The following DENND5A variants were observed in gnomAD, a reference collection of about 807,000 sequenced individuals.
DENND5A encodes the protein DENN domain-containing protein 5A.
A neutral mutation model predicts 140.3 loss-of-function variants in DENND5A; 64 were observed. That is an observed-to-expected ratio of 0.46 (90% CI 0.37 to 0.56). The LOEUF (loss-of-function observed/expected upper bound fraction) is 0.56. DENND5A is among the 20% of genes least tolerant of loss of function. DENND5A has a pLI of 0.00. For missense variants in DENND5A, 1,292 were observed against 1,593.8 expected, an observed-to-expected ratio of 0.81 and a Z score of 3.22; for synonymous variants, 605 against 607.7, an observed-to-expected ratio of 1.00 and a Z score of 0.07.
intron 3 of DENND5A, among the ~76,000 whole-genome samples, chr11:9,205,217 C>A (rs1160959845): frequency 3.9e-5 from 6 of 152,064 alleles, no homozygotes; most frequent in African/African-American, 1.4e-4. Context: ...TAAAGATGTA[C>A]TGTTTTCACT....
chr11:9,171,019 G>A, intron 8 of DENND5A: 1 of 586,512 alleles, frequency 1.7e-6, no homozygotes, highest in South Asian at 2.2e-5. Context: ...GGTAACAAAT[G>A]AGGTAACCCC....
rs575593599 is a variant in DENND5A, at chr11:9,160,695, A to C, written c.2436+18T>G. 3.2e-5 allele frequency: 51 copies of C among 1,597,566 alleles called. No individual in the cohort carries two copies. In the South Asian group the frequency reaches 5.4e-4, roughly 17 times the overall value. ...GGAAGACAATTTGCTCAGCAATGAG[A>C]GGCAAGACATACATTACCTGTTTCA... On this transcript the variant is annotated intron_variant, in intron 12 of 22. Coordinates refer to ENST00000328194, the MANE Select transcript of DENND5A (RefSeq NM_015213.4).
chr11:9,256,928 A>G (rs1317732004), intron 1 of DENND5A, among the ~76,000 whole-genome samples: 1 of 152,248 alleles, frequency 6.6e-6, no homozygotes, highest in Non-Finnish European at 1.5e-5. Flanking sequence ...ATGGACACAC[A>G]CATAAATGAT....
intron 5 of DENND5A, among the ~76,000 whole-genome samples, chr11:9,186,646 T>C (rs1590248089): frequency 6.6e-6 from 1 of 152,184 alleles, no homozygotes; most frequent in East Asian, 1.9e-4. Context: ...GTAGAAACCT[T>C]TGGTCAGAGG....
At chr11:9,226,242 T>TG (rs1850524336) in intron 1 of DENND5A, among the ~76,000 whole-genome samples, 1 of 152,262 alleles carries the variant, frequency 6.6e-6, no homozygotes, top group Non-Finnish European at 1.5e-5. Context: ...TGTCTTCTTG[T>TG]GGTAATTCTA....
intron 4 of DENND5A, among the ~76,000 whole-genome samples, chr11:9,196,685 A>G (rs1205221739): frequency 2.0e-5 from 3 of 151,974 alleles, no homozygotes; most frequent in Admixed American, 6.6e-5. Context: ...ATCTCTGCTC[A>G]CTGCAACCTC....
chr11:9,233,951 G>A (rs1564930707), intron 1 of DENND5A, among the ~76,000 whole-genome samples: 1 of 152,246 alleles, frequency 6.6e-6, no homozygotes, highest in South Asian at 2.1e-4. Context: ...GCCGAGGTGG[G>A]TGGATCACTT....
In DENND5A at chr11:9,178,355, C is replaced by T. The variant is rs1848614650; in HGVS notation, c.1683G>A (p.Leu561=). 1 of 1,611,450 alleles carries T rather than the reference C, an allele frequency of 6.2e-7. No individual in the cohort carries two copies. The change falls in exon 8 of 23, where the codon CTG becomes CTA. Residue 561 remains leucine (L), a synonymous_variant. Transcript: ENST00000328194. ...QMQNFDKASF[L]SDQPEPYLPF... ...GCAGGTAGGGCTCAGGCTGATCTGA[C>T]AGAAAAGATGCCTGGTGGGACCAAA...
intron 1 of DENND5A, among the ~76,000 whole-genome samples, chr11:9,257,079 C>T (rs1851978088): frequency 6.6e-6 from 1 of 152,006 alleles, no homozygotes; most frequent in Non-Finnish European, 1.5e-5. Context: ...GGCGCCATCT[C>T]GGCTCACTGC....
At chr11:9,175,424 CAATCAA>C (rs912096958) in intron 8 of DENND5A, 2 of 152,244 alleles carry the variant, frequency 1.3e-5, no homozygotes, top group African/African-American at 4.8e-5. Context: ...TGTCAAATAT[CAATCAA>C]AATCTTGAAA....
At chr11:9,174,003 T>C (rs1194448926) in intron 8 of DENND5A, among the ~76,000 whole-genome samples, 3 of 141,372 alleles carry the variant, frequency 2.1e-5, no homozygotes, top group Admixed American at 7.7e-5. Context: ...CTCGGGAGGC[T>C]GAGGCAGGAG....
At chr11:9,253,116 G>A (rs908335853) in intron 1 of DENND5A, among the ~76,000 whole-genome samples, 1 of 152,036 alleles carries the variant, frequency 6.6e-6, no homozygotes, top group Non-Finnish European at 1.5e-5. Flanking sequence ...GCCCCTCAAA[G>A]TGCTGGGATT....
rs1554911734 is a variant in DENND5A, at chr11:9,150,747, C to G, written c.2539G>C (p.Glu847Gln). ...LSTSGILLDS[E>Q]RRKSDASSLM... ...GAGCTGGCATCAGACTTCCTACGTT[C>G]TGAATCAAGAAGTATTCCTAGAATA... Residue 847 changes from glutamate to glutamine, a missense_variant, in exon 14 of 23, where the codon GAA (glutamate) becomes CAA (glutamine). Physicochemically the swap from Glu to Gln is conservative, Grantham distance 29 (BLOSUM62 2). This residue lies in a region of DENND5A where 498 missense variants were observed against 689.7 expected (regional missense o/e 0.72). Coordinates refer to ENST00000328194, the MANE Select transcript of DENND5A (RefSeq NM_015213.4). 6.2e-7 allele frequency: 1 copy of G among 1,612,972 alleles called. No individual in the cohort carries two copies. The highest frequency in any genetic ancestry group is 8.5e-7 in the Non-Finnish European group (1 of 1,179,292).
At chr11:9,199,592 A>G (rs1028842648) in intron 4 of DENND5A, among the ~76,000 whole-genome samples, 1 of 152,236 alleles carries the variant, frequency 6.6e-6, no homozygotes, top group Non-Finnish European at 1.5e-5. Flanking sequence ...ATATTATCTA[A>G]AAGTAAATAA....
intron 1 of DENND5A, 66 bp from the exon 2 acceptor site, chr11:9,207,698 T>A: frequency 8.9e-7 from 1 of 1,119,734 alleles, no homozygotes; most frequent in Non-Finnish European, 1.4e-6. Context: ...TTTTGACCAT[T>A]ATTCCAGTAC....
At position 9,243,102 on chromosome 11, in the gene DENND5A, AAAC is replaced by A. The variant is rs1427803146; in HGVS notation, c.109+21856_109+21858del. On this transcript the variant is annotated intron_variant, in intron 1 of 22. Transcript: ENST00000328194. ...GACTCTGTCTCAAAAAAAAAAAAAA[AAAC>A]AAAAAAAAAAACTGAGGCGAGTAAG... is the stretch of plus-strand genomic sequence containing the variant. Among the ~76,000 whole-genome samples, 35 of 138,252 alleles carry A rather than the reference AAAC, an allele frequency of 2.5e-4. 2 individuals are homozygous for A. Among genetic ancestry groups the A allele is most frequent in the African/African-American group, 8.2e-4 (25 of 30,556 alleles). 90.7% of individuals were successfully genotyped at this position (138,252 alleles called of 152,430 possible).
At chr11:9,237,473 C>T (rs947264819) in intron 1 of DENND5A, among the ~76,000 whole-genome samples, 8 of 152,042 alleles carry the variant, frequency 5.3e-5, no homozygotes, top group Non-Finnish European at 7.4e-5. Context: ...TTCAGAAAAG[C>T]GGTAACACTT....
At chr11:9,217,315 AC>A (rs1410421241) in intron 1 of DENND5A, among the ~76,000 whole-genome samples, 1 of 152,048 alleles carries the variant, frequency 6.6e-6, no homozygotes, top group African/African-American at 2.4e-5. Context: ...GGAGTTTGAG[AC>A]CAGCCTGGCC....
chr11:9,240,350 G>A (rs536542395), intron 1 of DENND5A, among the ~76,000 whole-genome samples: 1 of 152,232 alleles, frequency 6.6e-6, no homozygotes, highest in East Asian at 1.9e-4. Context: ...AGCCAAGGTT[G>A]CACCATTGCA....
Sources: allele counts gnomAD v4.1 joint callset (sites outside exome capture counted in the v4.1 genomes callset), GRCh38; gene constraint gnomAD v4.1.1; regional missense constraint gnomAD v4.1.1; transcripts MANE v1.5; gene names NCBI Gene and HGNC (gene_info 2026-07-23, HGNC 2026-07-21).